JAK1: variants seen among roughly 807,000 people sequenced by gnomAD.
JAK1 encodes the protein Janus kinase 1, also known as tyrosine-protein kinase JAK1.
In JAK1, 16 loss-of-function variants were observed where a neutral mutation model predicts 136.6. The observed-to-expected ratio is 0.12, with a 90% CI of 0.08 to 0.18. The LOEUF is 0.18. JAK1 is among the 10% of genes least tolerant of loss of function. The probability of loss-of-function intolerance (pLI) is 1.00; values close to 1 mark genes in which losing one functional copy is unlikely to be tolerated. For synonymous variants in JAK1, 492 were observed against 519.5 expected (o/e 0.95, Z 0.72); for missense variants, 859 against 1,450.1 (o/e 0.59, Z 6.62).
intron 2 of JAK1, among the ~76,000 whole-genome samples, chr1:65,023,358 G>T (rs1646952557): frequency 6.6e-6 from 1 of 152,078 alleles, no homozygotes; most frequent in Non-Finnish European, 1.5e-5. Context: ...AGCCTCCTGA[G>T]GCACTGGTAT....
rs561788868 is a variant in JAK1 at position 64,845,416 on chromosome 1, G to T, written c.2115+97C>A. 4 of 1,387,318 alleles carry T rather than the reference G, an allele frequency of 2.9e-6. No homozygotes were observed. In the East Asian group the frequency reaches 6.9e-5, roughly 24 times the overall value. The allele number at this position is 1,387,318 out of a possible 1,614,324, so 85.9% of individuals were successfully genotyped here. A position where few individuals can be genotyped will look rare whatever the true frequency, so the allele number is the denominator to read the frequency against. ...CTGGCCCCATGGAACCCAAGGACAG[G>T]CCCCTCTAGCTGCTTGGCTAGCACC... On this transcript the variant is annotated intron_variant, in intron 15 of 24. Transcript: ENST00000342505.
chr1:64,895,387 C>T (rs947139652), intron 1 of JAK1, among the ~76,000 whole-genome samples: 1 of 152,120 alleles, frequency 6.6e-6, no homozygotes, highest in Non-Finnish European at 1.5e-5. Context: ...TAAAGATTAA[C>T]AGACTACAGT....
chr1:64,961,878 C>G (rs1646288762), intron 1 of JAK1, among the ~76,000 whole-genome samples: 1 of 152,124 alleles, frequency 6.6e-6, no homozygotes, highest in South Asian at 2.1e-4. Flanking sequence ...CCATGTATAC[C>G]AAGTTTATTT....
intron 8 of JAK1, among the ~76,000 whole-genome samples, chr1:64,861,943 G>C (rs946443546): frequency 6.6e-6 from 1 of 152,234 alleles, no homozygotes; most frequent in Non-Finnish European, 1.5e-5. Context: ...CCAGCCACAT[G>C]ATAAGTAAGA....
In JAK1 at chr1:64,857,845, A is replaced by T. The variant is rs911588611; in HGVS notation, c.1335-66T>A. On this transcript the variant is annotated intron_variant, in intron 9 of 24. Transcript: ENST00000342505. ...AAACAGGACTTTGAACCTCTGGGCT[A>T]TCCACTCTCCTGAGCTGCCTCAAGT... 4 of 1,588,780 alleles carry T rather than the reference A, an allele frequency of 2.5e-6. No homozygotes were observed. In the African/African-American group the frequency reaches 5.4e-5, roughly 21 times the overall value.
intron 10 of JAK1, among the ~76,000 whole-genome samples, chr1:64,855,966 C>T (rs753403663): frequency 2.6e-5 from 4 of 152,338 alleles, no homozygotes; most frequent in East Asian, 1.9e-4. Flanking sequence ...TCTACAAAAG[C>T]GTCACTTGGT....
intron 2 of JAK1, among the ~76,000 whole-genome samples, chr1:64,986,794 C>G (rs1024062840): frequency 6.6e-6 from 1 of 152,062 alleles, no homozygotes; most frequent in South Asian, 2.1e-4. Flanking sequence ...GAGGCTTGAG[C>G]CCAGGAGGTC....
rs1345865990 is a variant in JAK1, at chr1:64,883,290, A to G, written c.192T>C (p.Ala64=). The G allele has an allele frequency of 1.2e-6, 2 of 1,613,756 alleles. No individual in the cohort carries two copies. The highest frequency in any genetic ancestry group is 2.2e-5 in the East Asian group (1 of 44,858). Residue 64 remains alanine, a synonymous_variant, in exon 3 of 25, where the codon GCT becomes GCC. Coordinates refer to ENST00000342505, the MANE Select transcript of JAK1 (RefSeq NM_002227.4). ...GCCAGTACTCACGGCATGCCTGTGC[A>G]GCCCTGATGCACAGTTCCTCTGCTG... The part of the protein sequence containing the change: ...EYTAEELCIR[A]AQACRISPLC...
intron 2 of JAK1, among the ~76,000 whole-genome samples, chr1:64,885,679 G>A (rs1209184087): frequency 6.6e-6 from 1 of 150,650 alleles, no homozygotes; most frequent in Non-Finnish European, 1.5e-5. Flanking sequence ...CTTGAACCTG[G>A]GAAAGCGGAG....
intron 1 of JAK1, among the ~76,000 whole-genome samples, chr1:64,933,864 T>C (rs1441845174): frequency 6.6e-6 from 1 of 152,252 alleles, no homozygotes; most frequent in Non-Finnish European, 1.5e-5. Flanking sequence ...CACTGTTTCA[T>C]ACTGAAGTGA....
At chr1:64,887,909 C>T (rs1644876650) in intron 1 of JAK1, among the ~76,000 whole-genome samples, 1 of 152,210 alleles carries the variant, frequency 6.6e-6, no homozygotes, top group Non-Finnish European at 1.5e-5. Flanking sequence ...GGGCACCCAA[C>T]AGCACTAGCC....
At chr1:64,907,004 C>A (rs200342292) in intron 1 of JAK1, among the ~76,000 whole-genome samples, 1,101 of 139,512 alleles carry the variant, frequency 7.9e-3, no homozygotes, top group Non-Finnish European at 0.01. Flanking sequence ...AGGAGAAGCA[C>A]AAAAAAAAAA....
intron 2 of JAK1, among the ~76,000 whole-genome samples, chr1:65,029,086 G>GTATT (rs1221451111): frequency 6.6e-6 from 1 of 151,964 alleles, no homozygotes; most frequent in African/African-American, 2.4e-5. Context: ...ACAATAGTGG[G>GTATT]TATTTATTTT....
chr1:65,038,639 T>A (rs1647099398), intron 2 of JAK1, among the ~76,000 whole-genome samples: 1 of 152,148 alleles, frequency 6.6e-6, no homozygotes, highest in South Asian at 2.1e-4. Flanking sequence ...CCTTTAGACA[T>A]CTTTGTTTGT....
chr1:64,908,779 A>C (rs984403020), intron 1 of JAK1, among the ~76,000 whole-genome samples: 1 of 152,114 alleles, frequency 6.6e-6, no homozygotes, highest in African/African-American at 2.4e-5. Context: ...ATAAAGATTC[A>C]GTGTACACTG....
intron 1 of JAK1, among the ~76,000 whole-genome samples, chr1:64,939,217 C>T (rs747772184): frequency 3.8e-4 from 58 of 152,338 alleles, no homozygotes; most frequent in South Asian, 4.1e-4. Context: ...CTAGATTCAA[C>T]GAAATGGGGA....
chr1:64,875,762 G>A (rs1378630656), intron 4 of JAK1, among the ~76,000 whole-genome samples: 1 of 152,154 alleles, frequency 6.6e-6, no homozygotes, highest in African/African-American at 2.4e-5. Flanking sequence ...CTCTGAAGCT[G>A]CTGGACTGTT....
chr1:65,040,643 C>G (rs1299384834), intron 2 of JAK1, among the ~76,000 whole-genome samples: 1 of 152,182 alleles, frequency 6.6e-6, no homozygotes. Context: ...CTCACATACA[C>G]ACACATGCCC....
At chr1:64,996,428 C>T (rs1236685760) in intron 2 of JAK1, among the ~76,000 whole-genome samples, 2 of 152,182 alleles carry the variant, frequency 1.3e-5, no homozygotes, top group Non-Finnish European at 2.9e-5. Flanking sequence ...ATTATAGATA[C>T]AGTGATATTT....
Sources: gnomAD v4.1 joint callset for allele counts (sites outside exome capture counted in the v4.1 genomes callset) on GRCh38, gnomAD v4.1.1 for gene constraint, MANE v1.5 for transcripts, NCBI Gene and HGNC (gene_info 2026-07-23, HGNC 2026-07-21) for gene names.